KIF18A: variants seen among roughly 807,000 people sequenced by gnomAD.
KIF18A encodes the protein kinesin-like protein KIF18A.
Under a neutral mutation model 103.3 loss-of-function variants are expected in KIF18A, and 67 were observed. The ratio of observed to expected loss-of-function variants is 0.65; its 90% CI spans 0.53 to 0.79. The LOEUF is 0.79. Ranked by LOEUF, KIF18A falls within the 30% of genes least tolerant of loss-of-function variation. The pLI is 0.00. For synonymous variants in KIF18A, 367 were observed against 355.5 expected (o/e 1.03, Z -0.36); for missense variants, 1,032 against 1,062.5 (o/e 0.97, Z 0.40).
intron 13 of KIF18A, among the ~76,000 whole-genome samples, chr11:28,058,659 C>A (rs1171721193): frequency 3.7e-5 from 2 of 53,776 alleles, no homozygotes; most frequent in East Asian, 6.3e-4. Flanking sequence ...GAGACCCTGT[C>A]ACCAAAAAAA....
intron 12 of KIF18A, among the ~76,000 whole-genome samples, 182 bp downstream of exon 12, chr11:28,062,213 A>T (rs559228287): frequency 1.3e-5 from 2 of 152,252 alleles, no homozygotes; most frequent in South Asian, 4.1e-4. Context: ...TCAAATTTAT[A>T]AACCAATGTA....
At chr11:28,105,694 T>C (rs1851495433) in intron 1 of KIF18A, among the ~76,000 whole-genome samples, 1 of 152,196 alleles carries the variant, frequency 6.6e-6, no homozygotes. Context: ...AGCTCTTGAA[T>C]GTGAAAATAA....
At chr11:28,043,630 T>A (rs1342306368) in intron 13 of KIF18A, among the ~76,000 whole-genome samples, 1 of 151,278 alleles carries the variant, frequency 6.6e-6, no homozygotes, top group African/African-American at 2.4e-5. Flanking sequence ...TTTGATGATA[T>A]AAAAAAATGT....
At chr11:28,029,264 G>A (rs1241101686) in intron 15 of KIF18A, among the ~76,000 whole-genome samples, 1 of 152,080 alleles carries the variant, frequency 6.6e-6, no homozygotes, top group Non-Finnish European at 1.5e-5. Flanking sequence ...GAAGAACATT[G>A]ATGCAAAAAT....
chr11:28,085,734 T>G (rs1238199881), intron 6 of KIF18A, among the ~76,000 whole-genome samples: 4 of 151,682 alleles, frequency 2.6e-5, no homozygotes, highest in African/African-American at 9.7e-5. Context: ...ATGGTAGTGG[T>G]CCCCTGGGGC....
At chr11:28,039,606 G>A (rs1850534529) in intron 13 of KIF18A, among the ~76,000 whole-genome samples, 1 of 151,670 alleles carries the variant, frequency 6.6e-6, no homozygotes, top group African/African-American at 2.4e-5. Context: ...ACAGTCTTCT[G>A]GTAGAACACT....
intron 9 of KIF18A, among the ~76,000 whole-genome samples, chr11:28,077,771 C>A (rs1346275648): frequency 2.0e-5 from 3 of 152,132 alleles, no homozygotes; most frequent in Non-Finnish European, 4.4e-5. Flanking sequence ...ACTGACACTT[C>A]CAGGACTTAA....
chr11:28,083,822 T>C (rs1245204483), intron 7 of KIF18A, among the ~76,000 whole-genome samples: 2 of 152,136 alleles, frequency 1.3e-5, no homozygotes. Context: ...TACAAACCTT[T>C]CTGTACACCC....
intron 3 of KIF18A, among the ~76,000 whole-genome samples, chr11:28,091,774 A>T (rs977147480): frequency 3.3e-5 from 5 of 152,222 alleles, no homozygotes; most frequent in African/African-American, 1.2e-4. Flanking sequence ...TGCCTTGATG[A>T]CTATGGTGAA....
chr11:28,059,605 A>AT (rs1292884002), intron 12 of KIF18A, among the ~76,000 whole-genome samples: 1 of 151,624 alleles, frequency 6.6e-6, no homozygotes, highest in African/African-American at 2.4e-5. Flanking sequence ...TAATTTTTTT[A>AT]TTTTTTGGTA....
intron 12 of KIF18A, among the ~76,000 whole-genome samples, chr11:28,060,459 G>T (rs138310313): frequency 3.7e-4 from 57 of 152,210 alleles, no homozygotes; most frequent in African/African-American, 1.3e-3. Context: ...TCCTTTTGGT[G>T]GGGGTGGCTG....
chr11:28,081,061 G>A (rs185211923), intron 9 of KIF18A, among the ~76,000 whole-genome samples: 8 of 152,308 alleles, frequency 5.3e-5, no homozygotes, highest in Non-Finnish European at 1.2e-4. Context: ...GCTGAGAGAG[G>A]TGAGGAAGTT....
chr11:28,088,616 C>G lies in KIF18A; in HGVS notation c.805G>C (p.Gly269Arg). 3 of 1,613,906 alleles carry G rather than the reference C, an allele frequency of 1.9e-6. No homozygotes were observed. Among genetic ancestry groups the G allele is most frequent in the Non-Finnish European group, 2.5e-6 (3 of 1,179,926 alleles). The change falls in exon 6 of 17, where the codon GGT becomes CGT. Residue 269 changes from glycine (G) to arginine (R), a missense_variant. Coordinates refer to ENST00000263181, the MANE Select transcript of KIF18A (RefSeq NM_031217.4). Reference sequence around the variant, plus strand: ...TCTACAAATCGGGTCCCCTTAGCACCGGAAGTACTTGCTCGCTCAGATCCT... The same window carrying G: ...TCTACAAATCGGGTCCCCTTAGCACGGGAAGTACTTGCTCGCTCAGATCCT... The part of the protein sequence containing the change: ...LAGSERASTS[G>R]AKGTRFVEGT...
chr11:28,085,077 G>A (rs1482181349), intron 6 of KIF18A, among the ~76,000 whole-genome samples: 1 of 151,948 alleles, frequency 6.6e-6, no homozygotes, highest in Non-Finnish European at 1.5e-5. Flanking sequence ...GTTGCATTAC[G>A]AATATAACCT....
At position 28,083,154 on chromosome 11, in the gene KIF18A, T is replaced by C. The variant is rs1851186636; in HGVS notation, c.1149+15A>G. The C allele has an allele frequency of 6.4e-7, 1 of 1,573,972 alleles. No homozygotes were observed. Among genetic ancestry groups the C allele is most frequent in the Non-Finnish European group, 8.6e-7 (1 of 1,168,652 alleles). The stretch of plus-strand genomic sequence containing the variant: ...GAACTGCGCAAGACTAGCATAAAAA[T>C]ATAAACAGACATACCTCTGCCTTCT... On this transcript the variant is annotated intron_variant, in intron 8 of 16. Transcript: ENST00000263181.
chr11:28,087,653 G>T (rs947972854), intron 6 of KIF18A, among the ~76,000 whole-genome samples: 1 of 152,126 alleles, frequency 6.6e-6, no homozygotes, highest in African/African-American at 2.4e-5. Flanking sequence ...GATCCTTGAG[G>T]AATCGCCACA....
In KIF18A at chr11:28,088,672, C is replaced by T. The variant is rs201296776; in HGVS notation, c.749G>A (p.Arg250His). 5.1e-5 allele frequency: 82 copies of T among 1,613,764 alleles called. No homozygotes were observed. The highest frequency in any genetic ancestry group is 1.3e-4 in the Admixed American group (8 of 59,976). Residue 250 changes from arginine (R) to histidine (H), a missense_variant, in exon 6 of 17, where the codon CGT (arginine) becomes CAT (histidine). Physicochemically the swap from Arg to His is conservative, Grantham distance 29. Coordinates refer to ENST00000263181, the MANE Select transcript of KIF18A (RefSeq NM_031217.4). ...DKTASINQNVRIAKMSLIDLA... is the reference protein window; with the variant it reads ...DKTASINQNVHIAKMSLIDLA... ...GTCAATGAGTGACATCTTGGCAATA[C>T]GGACATTTTGATTGATACTTGCTGT...
intron 15 of KIF18A, among the ~76,000 whole-genome samples, chr11:28,031,245 C>T (rs952455233): frequency 6.6e-5 from 10 of 151,970 alleles, no homozygotes; most frequent in Non-Finnish European, 1.0e-4. Context: ...ATGTTTATTG[C>T]GGCACTATTC....
chr11:28,039,401 C>T (rs1850531841), intron 13 of KIF18A, among the ~76,000 whole-genome samples: 1 of 151,594 alleles, frequency 6.6e-6, no homozygotes, highest in African/African-American at 2.4e-5. Flanking sequence ...ATGTTCTTTG[C>T]AAATGCAGAC....
Sources: allele counts gnomAD v4.1 joint callset (sites outside exome capture counted in the v4.1 genomes callset), GRCh38; gene constraint gnomAD v4.1.1; transcripts MANE v1.5; gene names NCBI Gene and HGNC (gene_info 2026-07-23, HGNC 2026-07-21).